LIPC: variants seen among roughly 807,000 people sequenced by gnomAD.
LIPC encodes lipase C, hepatic type, also known as hepatic triacylglycerol lipase.
In LIPC, 44 loss-of-function variants were observed where a neutral mutation model predicts 50.7. The ratio of observed to expected loss-of-function variants is 0.87; its 90% CI spans 0.68 to 1.11. The LOEUF (loss-of-function observed/expected upper bound fraction) is 1.11, where lower values mean the gene tolerates loss of function less well. Among genes scored for constraint, LIPC ranks in the 50% most tolerant of loss-of-function variants. LIPC has a pLI of 0.00. For synonymous variants in LIPC, 271 were observed against 256.4 expected (o/e 1.06, Z -0.54); for missense variants, 697 against 648.2 (o/e 1.08, Z -0.82).
chr15:58,508,096 T>C (rs1018644339), intron 1 of LIPC, among the ~76,000 whole-genome samples: 1 of 152,186 alleles, frequency 6.6e-6, no homozygotes, highest in Admixed American at 6.5e-5. Flanking sequence ...ATGGGTTCAG[T>C]TGATGAAAAC....
intron 1 of LIPC, chr15:58,523,398 G>A (rs1892711520): frequency 6.6e-6 from 1 of 152,164 alleles, no homozygotes; most frequent in African/African-American, 2.4e-5. Context: ...AGTCGGTGAA[G>A]GTGCAACTGA....
At position 58,459,988 on chromosome 15, in the gene LIPC, G is replaced by A. The variant is rs573852572; in HGVS notation, c.88+27868G>A. The stretch of plus-strand genomic sequence containing the variant: ...CTACCTCTCCCTTTTTCCTAAGAAG[G>A]GAAAACAACTCTCAAGGCTCACCCT... On this transcript the variant is annotated intron_variant, in intron 1 of 8. Transcript: ENST00000299022. Among the ~76,000 whole-genome samples the A allele has an allele frequency of 5.4e-4, 82 of 152,278 alleles. 1 individual carries two copies. Among genetic ancestry groups the A allele is most frequent in the Admixed American group, 2.7e-3 (41 of 15,298 alleles).
chr15:58,540,588 G>C (rs937959528), intron 2 of LIPC, among the ~76,000 whole-genome samples: 7 of 152,172 alleles, frequency 4.6e-5, no homozygotes, highest in Non-Finnish European at 1.0e-4. Context: ...GGAATGGCAT[G>C]ACAGGCCCTC....
chr15:58,553,134 G>A (rs538120402), intron 6 of LIPC, among the ~76,000 whole-genome samples: 4 of 152,200 alleles, frequency 2.6e-5, no homozygotes, highest in Non-Finnish European at 5.9e-5. Flanking sequence ...AAGGAAGCAG[G>A]CATCAGAGAG....
At chr15:58,512,799 T>A (rs1892368781) in intron 1 of LIPC, among the ~76,000 whole-genome samples, 1 of 152,132 alleles carries the variant, frequency 6.6e-6, no homozygotes, top group African/African-American at 2.4e-5. Context: ...GGTAAAATCC[T>A]GCCCCTGTCC....
chr15:58,441,744 A>T (rs1335005098), intron 1 of LIPC, among the ~76,000 whole-genome samples: 1 of 152,244 alleles, frequency 6.6e-6, no homozygotes, highest in African/African-American at 2.4e-5. Flanking sequence ...ATCACTAATT[A>T]TTATTTAATA....
At chr15:58,454,753 G>C (rs1203000841) in intron 1 of LIPC, 8 of 152,210 alleles carry the variant, frequency 5.3e-5, no homozygotes, top group Non-Finnish European at 8.8e-5. Context: ...CTCACCCCCA[G>C]GGCCTGGGGT....
chr15:58,525,832 CT>C (rs1892785866), intron 1 of LIPC, among the ~76,000 whole-genome samples: 1 of 152,226 alleles, frequency 6.6e-6, no homozygotes, highest in Non-Finnish European at 1.5e-5. Flanking sequence ...CAGAAGAACC[CT>C]TCAAGGAGGA....
intron 1 of LIPC, among the ~76,000 whole-genome samples, chr15:58,516,911 T>C (rs1214417971): frequency 6.6e-6 from 1 of 152,230 alleles, no homozygotes; most frequent in Non-Finnish European, 1.5e-5. Flanking sequence ...TTGTGAATTT[T>C]ACCTAATTGG....
chr15:58,507,507 TC>T (rs1189120403), intron 1 of LIPC, among the ~76,000 whole-genome samples: 2 of 152,156 alleles, frequency 1.3e-5, no homozygotes, highest in African/African-American at 4.8e-5. Flanking sequence ...AATCAAGGAT[TC>T]CCCCGGCCAC....
At chr15:58,533,585 A>G (rs12913743) in intron 1 of LIPC, among the ~76,000 whole-genome samples, 78,353 of 152,134 alleles carry the variant, frequency 0.52, 22,197 homozygotes, top group Non-Finnish European at 0.65. Context: ...CAATAGTGGA[A>G]TAAGTAAATA....
intron 2 of LIPC, 39 bp downstream of exon 2, chr15:58,538,556 A>T (rs370401401): frequency 6.3e-7 from 1 of 1,597,282 alleles, no homozygotes; most frequent in East Asian, 2.2e-5. Context: ...CTCCGATTTC[A>T]CATTTTCTTT....
At chr15:58,550,825 C>CTTTTTTTTTTTT (rs55943459) in intron 6 of LIPC, among the ~76,000 whole-genome samples, 1 of 45,084 alleles carries the variant, frequency 2.2e-5, no homozygotes, top group African/African-American at 9.5e-5. Context: ...TTCTTTCTTA[C>CTTTTTTTTTTTT]TTTTTTTTTT....
intron 1 of LIPC, among the ~76,000 whole-genome samples, chr15:58,453,959 C>T (rs1894013949): frequency 6.6e-6 from 1 of 152,162 alleles, no homozygotes; most frequent in Non-Finnish European, 1.5e-5. Flanking sequence ...CCTGGTGCCA[C>T]ATTTGCTATT....
At chr15:58,503,107 A>C (rs1372588027) in intron 1 of LIPC, among the ~76,000 whole-genome samples, 1 of 152,220 alleles carries the variant, frequency 6.6e-6, no homozygotes, top group Non-Finnish European at 1.5e-5. Flanking sequence ...TATGGACAAT[A>C]AATGATTATT....
chr15:58,466,780 T>G (rs192668041), intron 1 of LIPC, among the ~76,000 whole-genome samples: 2 of 152,334 alleles, frequency 1.3e-5, no homozygotes, highest in Admixed American at 6.5e-5. Flanking sequence ...GCATTTTACC[T>G]CCTGCAAAGC....
chr15:58,481,365 T>G (rs569982719), intron 1 of LIPC, among the ~76,000 whole-genome samples: 3 of 152,240 alleles, frequency 2.0e-5, no homozygotes, highest in Non-Finnish European at 4.4e-5. Flanking sequence ...CAGACTGACC[T>G]ACACATGTAT....
chr15:58,563,306 A>G (rs1382219570), intron 7 of LIPC, among the ~76,000 whole-genome samples, 199 bp from the exon 8 acceptor site: 1 of 152,166 alleles, frequency 6.6e-6, no homozygotes, highest in African/African-American at 2.4e-5. Context: ...AGTTTTCGCA[A>G]TTTTATTATC....
intron 6 of LIPC, 46 bp downstream of exon 6, chr15:58,548,618 C>T (rs1406477622): frequency 1.3e-6 from 2 of 1,566,168 alleles, no homozygotes; most frequent in Non-Finnish European, 1.7e-6. Flanking sequence ...GATGCAGTCC[C>T]CTGTCCAAAG....
Sources: allele counts gnomAD v4.1 joint callset (sites outside exome capture counted in the v4.1 genomes callset), GRCh38; gene constraint gnomAD v4.1.1; transcripts MANE v1.5; gene names NCBI Gene and HGNC (gene_info 2026-07-23, HGNC 2026-07-21).